Variants in CCSER1 observed in about 807,000 individuals in gnomAD.
CCSER1 encodes serine-rich coiled-coil domain-containing protein 1.
In CCSER1, 41 loss-of-function variants were observed where a neutral mutation model predicts 82.0. The ratio of observed to expected loss-of-function variants is 0.50; its 90% confidence interval spans 0.39 to 0.65. CCSER1 has a LOEUF of 0.65. CCSER1 is among the 30% of genes least tolerant of loss of function. CCSER1 has a pLI of 0.00. For missense variants in CCSER1, 1,119 were observed against 1,064.2 expected (o/e 1.05, Z -0.72); for synonymous variants, 414 against 383.9 (o/e 1.08, Z -0.92).
rs192174120 is a variant in CCSER1, at chr4:90,921,413, G to C, written c.2095-1957G>C. ...AATAAATAATTCAAACACATCATTT[G>C]TTGTGATTAATGCCTACAAGAGGGA... is the stretch of plus-strand genomic sequence containing the variant. On this transcript the variant is annotated intron_variant, in intron 8 of 10. Coordinates refer to ENST00000509176, the MANE Select transcript of CCSER1 (RefSeq NM_001145065.2). Among the ~76,000 whole-genome samples the C allele has an allele frequency of 6.5e-4, 99 of 152,096 alleles. 1 individual carries two copies. The highest frequency in any genetic ancestry group is 2.2e-3 in the African/African-American group (91 of 41,570).
At chr4:90,493,383 G>C (rs1332889334) in intron 5 of CCSER1, among the ~76,000 whole-genome samples, 2 of 152,094 alleles carry the variant, frequency 1.3e-5, no homozygotes, top group Non-Finnish European at 1.5e-5. Context: ...AGAAAGGCAG[G>C]CCAACATTCA....
At chr4:90,704,405 C>T (rs1345046396) in intron 6 of CCSER1, among the ~76,000 whole-genome samples, 1 of 152,182 alleles carries the variant, frequency 6.6e-6, no homozygotes, top group Non-Finnish European at 1.5e-5. Context: ...CTGCCCTTAA[C>T]ATTTTTTCCT....
chr4:91,099,177 T>C (rs1268164031), intron 10 of CCSER1, among the ~76,000 whole-genome samples: 1 of 152,220 alleles, frequency 6.6e-6, no homozygotes, highest in Non-Finnish European at 1.5e-5. Flanking sequence ...ATTTTTCTAC[T>C]TCAGTTCAAC....
chr4:91,268,679 T>C (rs1174710658), intron 10 of CCSER1, among the ~76,000 whole-genome samples: 1 of 152,100 alleles, frequency 6.6e-6, no homozygotes. Flanking sequence ...TGGGGCTGTT[T>C]TATAGGATTT....
At chr4:90,796,029 C>T (rs2100450) in intron 7 of CCSER1, among the ~76,000 whole-genome samples, 83,253 of 151,632 alleles carry the variant, frequency 0.55, 22,996 homozygotes, top group East Asian at 0.65. Flanking sequence ...GGAGGAGTCT[C>T]TCCTTCTCAG....
At chr4:90,430,675 GT>G (rs1167701313) in intron 4 of CCSER1, among the ~76,000 whole-genome samples, 3 of 151,218 alleles carry the variant, frequency 2.0e-5, no homozygotes, top group Admixed American at 6.6e-5. Flanking sequence ...TTTTTTTCAA[GT>G]TTTTTTTCTA....
intron 10 of CCSER1, among the ~76,000 whole-genome samples, chr4:91,088,265 T>C (rs2148820827): frequency 1.3e-5 from 2 of 152,248 alleles, no homozygotes. Flanking sequence ...CTATTCCCCA[T>C]AGGTGTTGAT....
At chr4:90,583,138 A>C (rs1306679317) in intron 5 of CCSER1, among the ~76,000 whole-genome samples, 1 of 152,158 alleles carries the variant, frequency 6.6e-6, no homozygotes, top group Non-Finnish European at 1.5e-5. Context: ...TAATTATATT[A>C]CATTATTTCA....
rs113707635 is a variant in CCSER1, at chr4:91,437,002, C to T, written c.2218-161570C>T. ...ATTGCACATAAGGTGTGAGTGAAGG[C>T]CTGCTGAGATCATATTTGCCTGCTA... On this transcript the variant is annotated intron_variant, in intron 10 of 10. Coordinates refer to ENST00000509176, the MANE Select transcript of CCSER1 (RefSeq NM_001145065.2). Among the ~76,000 whole-genome samples, 9 of 152,284 alleles carry T rather than the reference C, an allele frequency of 5.9e-5. 1 individual carries two copies. The highest frequency in any genetic ancestry group is 2.2e-4 in the African/African-American group (9 of 41,558).
chr4:90,694,666 A>G (rs1213367564), intron 6 of CCSER1, among the ~76,000 whole-genome samples: 1 of 151,998 alleles, frequency 6.6e-6, no homozygotes, highest in Non-Finnish European at 1.5e-5. Flanking sequence ...AGCTAGGTAT[A>G]ACTCACAAAA....
At chr4:91,009,385 T>C (rs535812753) in intron 9 of CCSER1, among the ~76,000 whole-genome samples, 292 of 152,310 alleles carry the variant, frequency 1.9e-3, no homozygotes, top group African/African-American at 6.6e-3. Context: ...CTAATTAGCA[T>C]TTTAATGAGC....
chr4:90,535,700 T>C (rs763001169), intron 5 of CCSER1, among the ~76,000 whole-genome samples: 13 of 152,162 alleles, frequency 8.5e-5, no homozygotes, highest in Non-Finnish European at 1.5e-4. Flanking sequence ...AGGCAAATAG[T>C]AGTTCAATAA....
intron 7 of CCSER1, among the ~76,000 whole-genome samples, chr4:90,753,636 A>C (rs2149492001): frequency 6.6e-6 from 1 of 151,740 alleles, no homozygotes; most frequent in South Asian, 2.1e-4. Flanking sequence ...CTTTGTTCCC[A>C]CTCTTGTCTC....
At chr4:91,511,530 C>T (rs1759824352) in intron 10 of CCSER1, among the ~76,000 whole-genome samples, 2 of 152,148 alleles carry the variant, frequency 1.3e-5, no homozygotes, top group Admixed American at 6.6e-5. Flanking sequence ...ACTGGTACCA[C>T]ACAGCAGGAG....
intron 1 of CCSER1, among the ~76,000 whole-genome samples, chr4:90,295,512 CAT>C (rs149896691): frequency 0.031 from 4,765 of 152,014 alleles, 193 homozygotes; most frequent in African/African-American, 0.095. Context: ...CTTACTGGCT[CAT>C]AGGAGTTCTT....
chr4:91,386,595 C>T lies in CCSER1; in HGVS notation c.2218-211977C>T, dbSNP rs554492839. On this transcript the variant is annotated intron_variant, in intron 10 of 10. Transcript: ENST00000509176. ...GATAAGTCTATGGGAAATTATGATG[C>T]GGAGCATGGTTTAAAGTGTCCTCCT... Among the ~76,000 whole-genome samples, 11 of 152,024 alleles carry T rather than the reference C, an allele frequency of 7.2e-5. No homozygotes were observed. In the East Asian group the frequency reaches 9.7e-4, roughly 13 times the overall value.
chr4:90,928,891 C>A (rs886125065), intron 9 of CCSER1, among the ~76,000 whole-genome samples: 1 of 152,006 alleles, frequency 6.6e-6, no homozygotes, highest in Non-Finnish European at 1.5e-5. Context: ...TAGATTCAGG[C>A]TCAGTACATC....
At chr4:90,825,388 TGTTACACTAATCAAGATTCCA>T (rs1760277502) in intron 8 of CCSER1, among the ~76,000 whole-genome samples, 1 of 152,222 alleles carries the variant, frequency 6.6e-6, no homozygotes, top group East Asian at 1.9e-4. Context: ...ATACTTCTTT[TGTTACACTAATCAAGATTCCA>T]GTACTTAGAG....
chr4:90,980,315 C>T (rs1227405071), intron 9 of CCSER1, among the ~76,000 whole-genome samples: 1 of 151,676 alleles, frequency 6.6e-6, no homozygotes, highest in African/African-American at 2.4e-5. Flanking sequence ...GAGAGTGTGC[C>T]CTGTGAACAG....
Sources: gnomAD v4.1 joint callset for allele counts (sites outside exome capture counted in the v4.1 genomes callset) on GRCh38, gnomAD v4.1.1 for gene constraint, MANE v1.5 for transcripts, NCBI Gene and HGNC (gene_info 2026-07-23, HGNC 2026-07-21) for gene names.